TRPM3: variants seen among roughly 807,000 people sequenced by gnomAD.
TRPM3 encodes long transient receptor potential channel 3.
A neutral mutation model predicts 181.2 loss-of-function variants in TRPM3; 77 were observed. The ratio of observed to expected loss-of-function variants is 0.42; its 90% CI spans 0.35 to 0.51. TRPM3 has a LOEUF of 0.51. TRPM3 is among the 20% of genes least tolerant of loss of function. The pLI, the probability that TRPM3 is intolerant of heterozygous loss-of-function variation, is 0.01. For synonymous variants in TRPM3, 745 were observed against 796.4 expected (o/e 0.94, Z 1.09); for missense variants, 1,759 against 2,196.7 (o/e 0.80, Z 3.98).
chr9:70,809,518 A>G (rs2091450892), intron 6 of TRPM3, among the ~76,000 whole-genome samples: 1 of 152,170 alleles, frequency 6.6e-6, no homozygotes, highest in African/African-American at 2.4e-5. Context: ...ATCGTGTTAC[A>G]GTTGCCTACA....
intron 21 of TRPM3, among the ~76,000 whole-genome samples, chr9:70,597,233 C>G (rs1347323435): frequency 6.6e-6 from 1 of 151,992 alleles, no homozygotes; most frequent in Non-Finnish European, 1.5e-5. Flanking sequence ...ATGCCCGGCC[C>G]TAATTTTTCA....
chr9:70,596,230 G>T (rs376885224), intron 21 of TRPM3, among the ~76,000 whole-genome samples: 1 of 152,088 alleles, frequency 6.6e-6, no homozygotes, highest in Admixed American at 6.6e-5. Context: ...TCTCAAAGGG[G>T]TTTAAATAAA....
intron 7 of TRPM3, among the ~76,000 whole-genome samples, chr9:70,776,871 T>C (rs1413569287): frequency 6.6e-6 from 1 of 152,130 alleles, no homozygotes; most frequent in Non-Finnish European, 1.5e-5. Flanking sequence ...CATAGGCCAC[T>C]CTCAATGGAA....
At chr9:70,563,319 C>T (rs955578601) in intron 22 of TRPM3, among the ~76,000 whole-genome samples, 3 of 152,324 alleles carry the variant, frequency 2.0e-5, no homozygotes, top group East Asian at 1.9e-4. Flanking sequence ...GAGCTCAATA[C>T]GTGCTTATGG....
intron 6 of TRPM3, among the ~76,000 whole-genome samples, chr9:70,820,002 C>T (rs902638896): frequency 8.5e-5 from 13 of 152,052 alleles, no homozygotes; most frequent in Non-Finnish European, 1.5e-4. Context: ...TCTAATATTT[C>T]AAAATATAGT....
At chr9:70,567,461 G>A (rs537367903) in intron 22 of TRPM3, among the ~76,000 whole-genome samples, 5 of 152,246 alleles carry the variant, frequency 3.3e-5, no homozygotes, top group South Asian at 2.1e-4. Flanking sequence ...GCTTCACTTC[G>A]CCAACACATA....
chr9:71,203,210 T>G (rs976835244), intron 1 of TRPM3, among the ~76,000 whole-genome samples: 2 of 152,224 alleles, frequency 1.3e-5, no homozygotes, highest in Non-Finnish European at 2.9e-5. Flanking sequence ...CAGAGCTGGT[T>G]AGAATGCTGG....
At position 71,256,399 on chromosome 9, in the gene TRPM3, T is replaced by C. The variant is rs947518631; in HGVS notation, c.183+190254A>G. Reference sequence around the variant, plus strand: ...AACTATGTGACAGGTGCGAGGCACATAGGATTGAAGAACATTGATGATAAA... The same window carrying C: ...AACTATGTGACAGGTGCGAGGCACACAGGATTGAAGAACATTGATGATAAA... On this transcript the variant is annotated intron_variant, in intron 1 of 24. Transcript: ENST00000357533. 3.3e-5 allele frequency among the ~76,000 whole-genome samples: 5 copies of C among 152,042 alleles called. No individual in the cohort carries two copies. In the South Asian group the frequency reaches 6.2e-4, roughly 19 times the overall value.
chr9:71,318,050 G>A (rs181624017), intron 1 of TRPM3, among the ~76,000 whole-genome samples: 69 of 152,220 alleles, frequency 4.5e-4, no homozygotes, highest in Middle Eastern at 3.4e-3. Context: ...AGGAGTTTGA[G>A]AGCAGCCTAG....
intron 1 of TRPM3, among the ~76,000 whole-genome samples, chr9:71,347,617 A>G (rs144374826): frequency 0.013 from 1,989 of 152,222 alleles, 43 homozygotes; most frequent in African/African-American, 0.044. Context: ...ATTTAACACG[A>G]TATTTAAGAG....
chr9:71,208,730 CA>C (rs1354750218), intron 1 of TRPM3, among the ~76,000 whole-genome samples: 1 of 152,096 alleles, frequency 6.6e-6, no homozygotes, highest in South Asian at 2.1e-4. Flanking sequence ...TTCTCATGGC[CA>C]AAATAGCATC....
At chr9:71,320,319 T>TA (rs3041781) in intron 1 of TRPM3, among the ~76,000 whole-genome samples, 17,221 of 141,728 alleles carry the variant, frequency 0.12, 1,306 homozygotes, top group Non-Finnish European at 0.18. Context: ...CAATGTTAAT[T>TA]AAAAAAAAAA....
intron 1 of TRPM3, among the ~76,000 whole-genome samples, chr9:71,039,199 G>C (rs772382069): frequency 4.6e-5 from 7 of 152,098 alleles, no homozygotes; most frequent in Non-Finnish European, 7.3e-5. Flanking sequence ...TCACGGAACT[G>C]AACCTTCCCT....
At chr9:71,138,819 A>G (rs10868959) in intron 1 of TRPM3, among the ~76,000 whole-genome samples, 48,407 of 152,024 alleles carry the variant, frequency 0.32, 8,879 homozygotes, top group Middle Eastern at 0.47. Flanking sequence ...TACAACTTAC[A>G]TTTCACATAG....
intron 1 of TRPM3, among the ~76,000 whole-genome samples, chr9:71,297,526 G>A (rs550061780): frequency 1.7e-4 from 26 of 152,156 alleles, no homozygotes; most frequent in African/African-American, 3.4e-4. Context: ...TTCACATGGT[G>A]GCAGTAAGGA....
chr9:70,824,066 A>C (rs1294724536), intron 6 of TRPM3, among the ~76,000 whole-genome samples: 1 of 152,244 alleles, frequency 6.6e-6, no homozygotes, highest in African/African-American at 2.4e-5. Flanking sequence ...ATGAAAAAGC[A>C]TTTATGAGTC....
At chr9:71,200,104 T>C (rs2078677840) in intron 1 of TRPM3, among the ~76,000 whole-genome samples, 1 of 152,018 alleles carries the variant, frequency 6.6e-6, no homozygotes, top group African/African-American at 2.4e-5. Flanking sequence ...AAGAACATCT[T>C]TATTTCTGCC....
intron 1 of TRPM3, among the ~76,000 whole-genome samples, chr9:71,427,321 A>T (rs1050054321): frequency 6.6e-6 from 1 of 152,184 alleles, no homozygotes; most frequent in Non-Finnish European, 1.5e-5. Flanking sequence ...GAAACTTGTT[A>T]AAAATGCAAA....
chr9:70,956,961 C>CTTTTTTTTTTT (rs747544684), intron 1 of TRPM3, among the ~76,000 whole-genome samples: 14 of 137,390 alleles, frequency 1.0e-4, no homozygotes, highest in Non-Finnish European at 1.4e-4. Context: ...TTCTTTCTTT[C>CTTTTTTTTTTT]TTTTTTTTTT....
Sources: gnomAD v4.1 joint callset for allele counts (sites outside exome capture counted in the v4.1 genomes callset) on GRCh38, gnomAD v4.1.1 for gene constraint, MANE v1.5 for transcripts, NCBI Gene and HGNC (gene_info 2026-07-23, HGNC 2026-07-21) for gene names.